KIF24: variants seen among roughly 807,000 people sequenced by gnomAD.
KIF24 encodes kinesin-like protein KIF24.
In KIF24, 81 loss-of-function variants were observed where a neutral mutation model predicts 118.9. The ratio of observed to expected loss-of-function variants is 0.68; its 90% CI spans 0.57 to 0.82. The LOEUF (loss-of-function observed/expected upper bound fraction) is 0.82. Among genes scored for constraint, KIF24 ranks in the 40% least tolerant of loss-of-function variants. The pLI, the probability that KIF24 is intolerant of heterozygous loss-of-function variation, is 0.00. For missense variants in KIF24, 1,560 were observed against 1,661.6 expected (o/e 0.94, Z 1.06); for synonymous variants, 599 against 610.0 (o/e 0.98, Z 0.27).
chr9:34,316,950 C>G (rs1274863095), intron 1 of KIF24, among the ~76,000 whole-genome samples: 1 of 152,066 alleles, frequency 6.6e-6, no homozygotes, highest in Non-Finnish European at 1.5e-5. Context: ...CACGGTGGCT[C>G]ACGCTTGTAA....
chr9:34,255,281 G>C, intron 11 of KIF24, 116 bp from the exon 12 acceptor site: 1 of 658,978 alleles, frequency 1.5e-6, no homozygotes, highest in Non-Finnish European at 2.7e-6. Context: ...AAATGGTCAA[G>C]GTTTTCACCA....
intron 1 of KIF24, among the ~76,000 whole-genome samples, chr9:34,323,129 G>T (rs889322046): frequency 1.3e-5 from 2 of 151,786 alleles, no homozygotes; most frequent in Non-Finnish European, 2.9e-5. Context: ...AACAGCTGCT[G>T]CAAAGGAATT....
intron 1 of KIF24, among the ~76,000 whole-genome samples, chr9:34,311,698 G>GTATATACACGTATATATA (rs1563961480): frequency 7.1e-6 from 1 of 140,914 alleles, no homozygotes; most frequent in Non-Finnish European, 1.5e-5. Context: ...ACGTATATAT[G>GTATATACACGTATATATA]TACATATATA....
intron 4 of KIF24, among the ~76,000 whole-genome samples, chr9:34,295,335 G>A (rs968271788): frequency 1.3e-4 from 20 of 151,904 alleles, no homozygotes; most frequent in African/African-American, 4.8e-4. Context: ...AGCCTCCCAA[G>A]TAGCTGGGAC....
At chr9:34,266,942 T>C (rs1209078258) in intron 8 of KIF24, among the ~76,000 whole-genome samples, 1 of 151,938 alleles carries the variant, frequency 6.6e-6, no homozygotes, top group Non-Finnish European at 1.5e-5. Flanking sequence ...TTTATAATAA[T>C]AGAAAAAAAG....
At chr9:34,288,547 G>A (rs1836135173) in intron 5 of KIF24, among the ~76,000 whole-genome samples, 1 of 151,726 alleles carries the variant, frequency 6.6e-6, no homozygotes. Context: ...AGGAAAGGGT[G>A]CCATCAATGG....
intron 6 of KIF24, among the ~76,000 whole-genome samples, chr9:34,275,410 G>C (rs1390371339): frequency 6.6e-6 from 1 of 151,878 alleles, no homozygotes; most frequent in Admixed American, 6.6e-5. Flanking sequence ...AACAACAACA[G>C]TGTTATTTGA....
chr9:34,303,909 C>T (rs1836817896), intron 3 of KIF24, among the ~76,000 whole-genome samples: 1 of 152,136 alleles, frequency 6.6e-6, no homozygotes, highest in Non-Finnish European at 1.5e-5. Context: ...GCCAATCTTA[C>T]TCACTTTGTA....
intron 10 of KIF24, 130 bp downstream of exon 10, chr9:34,259,462 ATGTG>A: frequency 3.0e-6 from 2 of 675,704 alleles, no homozygotes; most frequent in African/African-American, 1.8e-5. Context: ...TCAGATCCCT[ATGTG>A]TGTGTGAGTG....
chr9:34,326,490 G>C lies in KIF24; in HGVS notation c.-26+2616C>G, dbSNP rs191152731. Among the ~76,000 whole-genome samples the C allele has an allele frequency of 1.6e-3, 248 of 152,320 alleles. 2 individuals carry two copies. In the South Asian group the frequency reaches 0.019, roughly 12 times the overall value. ...AATCACTACCGAAGAATAAAGCCCAGTGCAGGGCTTACTTTACATTGGATG... is the reference window on the plus strand; with the variant it reads ...AATCACTACCGAAGAATAAAGCCCACTGCAGGGCTTACTTTACATTGGATG... On this transcript the variant is annotated intron_variant, in intron 1 of 12. Transcript: ENST00000402558.
chr9:34,328,956 G>C (rs1837776257), intron 1 of KIF24, among the ~76,000 whole-genome samples, 150 bp downstream of exon 1: 1 of 152,184 alleles, frequency 6.6e-6, no homozygotes, highest in South Asian at 2.1e-4. Flanking sequence ...TGAACTTTAG[G>C]AAGAGCCAAG....
chr9:34,285,951 G>T (rs1013969479), intron 6 of KIF24, among the ~76,000 whole-genome samples: 93 of 114,494 alleles, frequency 8.1e-4, no homozygotes, highest in African/African-American at 2.5e-3. Context: ...AAAAAAAAAA[G>T]TAAAAAGAAT....
At chr9:34,281,949 G>C (rs916374266) in intron 6 of KIF24, among the ~76,000 whole-genome samples, 7 of 152,146 alleles carry the variant, frequency 4.6e-5, no homozygotes, top group African/African-American at 1.7e-4. Context: ...TACTGCTGGT[G>C]GGAGTATAAA....
intron 1 of KIF24, among the ~76,000 whole-genome samples, chr9:34,316,957 G>A (rs1247581362): frequency 6.6e-6 from 1 of 152,034 alleles, no homozygotes; most frequent in Non-Finnish European, 1.5e-5. Flanking sequence ...GCTCACGCTT[G>A]TAATCCCAGC....
intron 6 of KIF24, among the ~76,000 whole-genome samples, chr9:34,276,779 A>C (rs1835675001): frequency 6.6e-6 from 1 of 152,224 alleles, no homozygotes; most frequent in African/African-American, 2.4e-5. Context: ...TAATTTATAA[A>C]GCTAGATCAT....
intron 5 of KIF24, 67 bp from the exon 6 acceptor site, chr9:34,286,771 G>T: frequency 9.3e-7 from 1 of 1,070,952 alleles, no homozygotes; most frequent in Non-Finnish European, 1.4e-6. Flanking sequence ...TGCCTCCCCA[G>T]AAACCATTCC....
Position 34,263,156 on chromosome 9 carries a change from C to G in KIF24, c.1460G>C (p.Arg487Pro). The G allele has an allele frequency of 6.2e-7, 1 of 1,613,042 alleles. No individual in the cohort carries two copies. The highest frequency in any genetic ancestry group is 8.5e-7 in the Non-Finnish European group (1 of 1,179,440). Residue 487 changes from arginine to proline, a missense_variant, in exon 9 of 13, where the codon CGA becomes CCA. Arg to Pro is a moderately radical substitution (Grantham distance 103, BLOSUM62 -2). Transcript: ENST00000402558. ...QSLLALKECI[R>P]ALDQEHTHTP... ...ATGGGTGTGTTCCTGATCCAGTGCT[C>G]GGATACATTCCTTCAGCTGCAAAGT...
chr9:34,310,305 CT>C (rs1349031421), intron 2 of KIF24, among the ~76,000 whole-genome samples: 10 of 152,166 alleles, frequency 6.6e-5, no homozygotes, highest in Admixed American at 6.5e-4. Context: ...AACAAAGCAT[CT>C]TTAAGTCTCC....
intron 1 of KIF24, among the ~76,000 whole-genome samples, chr9:34,317,638 C>G (rs569042276): frequency 6.6e-6 from 1 of 152,182 alleles, no homozygotes; most frequent in Non-Finnish European, 1.5e-5. Context: ...TGTCAATCAT[C>G]CCACTGTCCA....
Sources: gnomAD v4.1 joint callset for allele counts (sites outside exome capture counted in the v4.1 genomes callset) on GRCh38, gnomAD v4.1.1 for gene constraint, MANE v1.5 for transcripts, NCBI Gene and HGNC (gene_info 2026-07-23, HGNC 2026-07-21) for gene names.